The following NTNG2 variants were observed in gnomAD, a reference collection of about 807,000 sequenced individuals.
The protein encoded by NTNG2 is netrin G2, also known as netrin-G2.
In NTNG2, 15 loss-of-function variants were observed where a neutral mutation model predicts 47.6. The observed-to-expected ratio is 0.32, with a 90% CI of 0.21 to 0.49. NTNG2 has a LOEUF of 0.49. Among genes scored for constraint, NTNG2 ranks in the 20% least tolerant of loss-of-function variants. NTNG2 has a pLI of 0.99. For synonymous variants in NTNG2, 307 were observed against 324.6 expected (o/e 0.95, Z 0.58); for missense variants, 578 against 764.6 (o/e 0.76, Z 2.88).
Position 132,197,946 on chromosome 9 carries a change from T to C in NTNG2, c.214-20T>C. 17 of 1,596,510 alleles carry C rather than the reference T, an allele frequency of 1.1e-5. No homozygotes were observed. The highest frequency in any genetic ancestry group is 1.5e-5 in the Non-Finnish European group (17 of 1,170,460). ...CGAGCATCCAGCACCCACCCTTCCC[T>C]TCTCCTCTCCCCGCTGCAGGAGAAT... On this transcript the variant is annotated intron_variant, in intron 2 of 7. Coordinates refer to ENST00000393229, the MANE Select transcript of NTNG2 (RefSeq NM_032536.4). This position sits in a 1 kb window ranked among gnomAD's most constrained non-coding sequence, Gnocchi z 4.3.
intron 3 of NTNG2, among the ~76,000 whole-genome samples, chr9:132,204,438 C>T (rs1839014013): frequency 6.6e-6 from 1 of 152,094 alleles, no homozygotes; most frequent in Non-Finnish European, 1.5e-5. Context: ...GGAAGAAAAC[C>T]ATGGAGGGTG....
chr9:132,219,572 C>CAA (rs35634958), intron 3 of NTNG2, among the ~76,000 whole-genome samples: 13 of 99,832 alleles, frequency 1.3e-4, no homozygotes, highest in South Asian at 3.3e-4. Flanking sequence ...GACTCTGTCT[C>CAA]AAAAAAAAAA....
intron 3 of NTNG2, among the ~76,000 whole-genome samples, chr9:132,205,337 T>C (rs149168815): frequency 2.0e-5 from 3 of 152,146 alleles, no homozygotes; most frequent in Non-Finnish European, 4.4e-5. Context: ...GACATGATGC[T>C]AAGTGAAATA....
At position 132,236,597 on chromosome 9, in the gene NTNG2, G is replaced by T. The variant is rs1392265328; in HGVS notation, c.1055-2507G>T. Among the ~76,000 whole-genome samples, 1 of 152,232 alleles carries T rather than the reference G, an allele frequency of 6.6e-6. No individual in the cohort carries two copies. The highest frequency in any genetic ancestry group is 2.4e-5 in the African/African-American group (1 of 41,464). On this transcript the variant is annotated intron_variant, in intron 5 of 7. Coordinates refer to ENST00000393229, the MANE Select transcript of NTNG2 (RefSeq NM_032536.4). This position sits in a 1 kb window ranked among gnomAD's most constrained non-coding sequence, Gnocchi z 4.3. ...CAGGAAGCTCTGGCGCTGGAAGCATGTTTAGAGAGGGTCTGAGGCTCGGTT... is the reference window on the plus strand; with the variant it reads ...CAGGAAGCTCTGGCGCTGGAAGCATTTTTAGAGAGGGTCTGAGGCTCGGTT...
rs966772077 is a variant in NTNG2 at position 132,242,431 on chromosome 9, A to G, written c.*320A>G. ...TCTGGCGGTGAGCCAGAGGGTCGGG[A>G]GAAACGCTGCTCGCCCCACACCCCG... is the stretch of plus-strand genomic sequence containing the variant. On this transcript the variant is annotated 3_prime_UTR_variant, in exon 8 of 8. Transcript: ENST00000393229. The surrounding 1 kb of genome is among the most constrained non-coding windows in gnomAD (Gnocchi z 5.9). The G allele has an allele frequency of 4.0e-5, 5 of 126,316 alleles. 1 individual carries two copies. The highest frequency in any genetic ancestry group is 1.6e-4 in the African/African-American group (5 of 31,732). 7.8% of individuals were successfully genotyped at this position (126,316 alleles called of 1,614,324 possible). A position where few individuals can be genotyped will look rare whatever the true frequency, so the allele number is the denominator to read the frequency against.
At chr9:132,230,804 T>A (rs971943752) in intron 5 of NTNG2, among the ~76,000 whole-genome samples, 16 of 131,546 alleles carry the variant, frequency 1.2e-4, no homozygotes, top group Non-Finnish European at 2.1e-4. Flanking sequence ...TCACATCATA[T>A]GCCATGTGTC....
rs754128804 is a variant in NTNG2, at chr9:132,236,032, G to A, written c.1055-3072G>A. On this transcript the variant is annotated intron_variant, in intron 5 of 7. Coordinates refer to ENST00000393229, the MANE Select transcript of NTNG2 (RefSeq NM_032536.4). This position sits in a 1 kb window ranked among gnomAD's most constrained non-coding sequence, Gnocchi z 4.3. ...CACCAGCACTCCCTCCGAGGGCTTCGGAGTCTGGTAGAGGCCCCGCCTCCC... is the reference window on the plus strand; with the variant it reads ...CACCAGCACTCCCTCCGAGGGCTTCAGAGTCTGGTAGAGGCCCCGCCTCCC... 1.3e-5 allele frequency among the ~76,000 whole-genome samples: 2 copies of A among 152,176 alleles called. No homozygotes were observed. The highest frequency in any genetic ancestry group is 2.9e-5 in the Non-Finnish European group (2 of 68,022).
intron 3 of NTNG2, among the ~76,000 whole-genome samples, chr9:132,212,538 T>C (rs1414046372): frequency 6.6e-6 from 1 of 152,164 alleles, no homozygotes; most frequent in Non-Finnish European, 1.5e-5. Context: ...CATTTGTCCA[T>C]GTTACCCTGG....
At chr9:132,192,194 C>T (rs1837947811) in intron 2 of NTNG2, among the ~76,000 whole-genome samples, 1 of 152,218 alleles carries the variant, frequency 6.6e-6, no homozygotes, top group Non-Finnish European at 1.5e-5. Flanking sequence ...AGCCCCACCC[C>T]CATGACATTA....
chr9:132,179,927 G>A (rs1836808113), intron 2 of NTNG2, among the ~76,000 whole-genome samples: 1 of 152,166 alleles, frequency 6.6e-6, no homozygotes, highest in African/African-American at 2.4e-5. Context: ...CTGACCTCTT[G>A]GGGTCTCGTT....
At position 132,197,186 on chromosome 9, in the gene NTNG2, C is replaced by T. The variant is rs1440551677; in HGVS notation, c.214-780C>T. On this transcript the variant is annotated intron_variant, in intron 2 of 7. Coordinates refer to ENST00000393229, the MANE Select transcript of NTNG2 (RefSeq NM_032536.4). The surrounding 1 kb of genome is among the most constrained non-coding windows in gnomAD (Gnocchi z 4.3). ...AGGTGGATCAACGGAGGTCAGAGTT[C>T]GAGACCAGCCTGGCCAACATGGCGA... Among the ~76,000 whole-genome samples the T allele has an allele frequency of 3.3e-5, 5 of 152,216 alleles. No individual in the cohort carries two copies. The highest frequency in any genetic ancestry group is 4.1e-4 in the South Asian group (2 of 4,822).
At position 132,226,598 on chromosome 9, in the gene NTNG2, C is replaced by T. The variant is rs572213387; in HGVS notation, c.858-251C>T. 2.6e-5 allele frequency among the ~76,000 whole-genome samples: 4 copies of T among 152,360 alleles called. No individual in the cohort carries two copies. The South Asian group carries it at 8.3e-4, about 32-fold the overall frequency. Reference sequence around the variant, plus strand: ...CTGAGATGTGAGGAATCCTTGAAACCAGCATCAGAGCAGAGAGGAGAGCCG... The same window carrying T: ...CTGAGATGTGAGGAATCCTTGAAACTAGCATCAGAGCAGAGAGGAGAGCCG... On this transcript the variant is annotated intron_variant, in intron 3 of 7. Transcript: ENST00000393229. This position sits in a 1 kb window ranked among gnomAD's most constrained non-coding sequence, Gnocchi z 4.8.
rs145960048 is a variant in NTNG2 at position 132,198,299 on chromosome 9, C to G, written c.547C>G (p.Arg183Gly). The change falls in exon 3 of 8, where the codon CGC becomes GGC. Residue 183 changes from arginine (R) to glycine (G), a missense_variant. Arg to Gly is a moderately radical substitution (Grantham distance 125). Coordinates refer to ENST00000393229, the MANE Select transcript of NTNG2 (RefSeq NM_032536.4). The part of the protein sequence containing the change: ...EAFGMSARRA[R>G]DMSSSSAHRV... ...CTTCGGTATGTCCGCCCGCCGGGCC[C>G]GCGACATGTCATCCTCCAGCGCGCA... 4.0e-5 allele frequency: 65 copies of G among 1,612,812 alleles called. No individual in the cohort carries two copies. The African/African-American group carries it at 6.9e-4, about 17-fold the overall frequency.
chr9:132,220,311 C>A (rs1288584731), intron 3 of NTNG2, among the ~76,000 whole-genome samples: 1 of 152,142 alleles, frequency 6.6e-6, no homozygotes, highest in South Asian at 2.1e-4. Context: ...ACTTTCCTGA[C>A]AGTGTCCTCT....
intron 6 of NTNG2, 179 bp from the exon 7 acceptor site, chr9:132,240,731 G>T: frequency 1.2e-6 from 1 of 828,644 alleles, no homozygotes. Context: ...TTCTCTCCAG[G>T]CCTGGCCACC....
In NTNG2 at chr9:132,172,270, C is replaced by T. The variant is rs536747216; in HGVS notation, c.213+5226C>T. Among the ~76,000 whole-genome samples, 14 of 152,350 alleles carry T rather than the reference C, an allele frequency of 9.2e-5. No individual in the cohort carries two copies. In the East Asian group the frequency reaches 2.7e-3, roughly 29 times the overall value. On this transcript the variant is annotated intron_variant, in intron 2 of 7. Transcript: ENST00000393229. The stretch of plus-strand genomic sequence containing the variant: ...TCCTCCAGGAGGCCTTCTCTGACTC[C>T]TTTGCCCAGTGGGGTGAGGAGGCCC...
rs1840763702 is a variant in NTNG2, at chr9:132,226,445, T to A, written c.858-404T>A. 6.6e-6 allele frequency among the ~76,000 whole-genome samples: 1 copy of A among 152,106 alleles called. No individual in the cohort carries two copies. Among genetic ancestry groups the A allele is most frequent in the South Asian group, 2.1e-4 (1 of 4,826 alleles). On this transcript the variant is annotated intron_variant, in intron 3 of 7. Transcript: ENST00000393229. This position sits in a 1 kb window ranked among gnomAD's most constrained non-coding sequence, Gnocchi z 4.8. ...AGTGCAGCCCATGGCCAAGTCTCTG[T>A]CTACACCAGGTGCTGGCAGCAGCCT... is the stretch of plus-strand genomic sequence containing the variant.
intron 3 of NTNG2, among the ~76,000 whole-genome samples, chr9:132,205,503 G>A (rs1358525692): frequency 5.9e-5 from 9 of 152,326 alleles, no homozygotes; most frequent in East Asian, 5.8e-4. Flanking sequence ...TTCAGTTTGC[G>A]ATGATTTAAA....
rs1238102627 is a variant in NTNG2 at position 132,221,765 on chromosome 9, C to T, written c.858-5084C>T. On this transcript the variant is annotated intron_variant, in intron 3 of 7. Coordinates refer to ENST00000393229, the MANE Select transcript of NTNG2 (RefSeq NM_032536.4). This position sits in a 1 kb window ranked among gnomAD's most constrained non-coding sequence, Gnocchi z 4.2. ...GAGAAACCAACTGTATGACTTTGGG[C>T]GACTTCTCCCTACCAGCACCACCCA... Among the ~76,000 whole-genome samples, 3 of 152,144 alleles carry T rather than the reference C, an allele frequency of 2.0e-5. No individual in the cohort carries two copies. The highest frequency in any genetic ancestry group is 3.8e-4 in the East Asian group (2 of 5,196).
Sources: gnomAD v4.1 joint callset for allele counts (sites outside exome capture counted in the v4.1 genomes callset) on GRCh38, gnomAD v4.1.1 for gene constraint, Gnocchi (gnomAD v3.1) non-coding constraint, MANE v1.5 for transcripts, NCBI Gene and HGNC (gene_info 2026-07-23, HGNC 2026-07-21) for gene names.